Variants in TRAF3IP1 observed in about 807,000 individuals in gnomAD.
The protein encoded by TRAF3IP1 is intraflagellar transport 54.
A neutral mutation model predicts 89.9 loss-of-function variants in TRAF3IP1; 53 were observed. The observed-to-expected ratio is 0.59, with a 90% CI of 0.47 to 0.74. The LOEUF is 0.74. Ranked by LOEUF, TRAF3IP1 falls within the 30% of genes least tolerant of loss-of-function variation. The probability of loss-of-function intolerance (pLI) is 0.00; values close to 1 mark genes in which losing one functional copy is unlikely to be tolerated. For missense variants in TRAF3IP1, 806 were observed against 866.1 expected (o/e 0.93, Z 0.87); for synonymous variants, 311 against 322.1 (o/e 0.97, Z 0.37).
chr2:238,395,020 G>A (rs1019609386), intron 15 of TRAF3IP1, among the ~76,000 whole-genome samples: 3 of 152,166 alleles, frequency 2.0e-5, no homozygotes, highest in African/African-American at 7.2e-5. Context: ...GGCAAGGAAG[G>A]GCCCCTTACC....
At chr2:238,378,454 T>C (rs1010376382) in intron 15 of TRAF3IP1, among the ~76,000 whole-genome samples, 3 of 152,254 alleles carry the variant, frequency 2.0e-5, no homozygotes, top group Non-Finnish European at 1.5e-5. Flanking sequence ...GATGTTCCTA[T>C]ATTAATAGAC....
intron 15 of TRAF3IP1, among the ~76,000 whole-genome samples, chr2:238,382,551 G>A (rs1700590451): frequency 1.3e-5 from 2 of 151,770 alleles, no homozygotes; most frequent in South Asian, 2.1e-4. Flanking sequence ...AGATCAGCAG[G>A]TCGGGGAGGA....
intron 15 of TRAF3IP1, among the ~76,000 whole-genome samples, chr2:238,388,243 T>G (rs1327737327): frequency 6.6e-6 from 1 of 151,612 alleles, no homozygotes; most frequent in Non-Finnish European, 1.5e-5. Flanking sequence ...GGCGTGATGA[T>G]GCGTGCCTAT....
Position 238,358,130 on chromosome 2 carries a change from A to G in TRAF3IP1, c.1689+2050A>G, listed in dbSNP as rs1272090322. Among the ~76,000 whole-genome samples the G allele has an allele frequency of 2.1e-5, 3 of 141,178 alleles. No individual in the cohort carries two copies. The South Asian group carries it at 6.7e-4, about 32-fold the overall frequency. The allele number at this position is 141,178 out of a possible 152,430, so 92.6% of individuals were successfully genotyped here. A position where few individuals can be genotyped will look rare whatever the true frequency, so the allele number is the denominator to read the frequency against. ...TTTGTTACATTTTTTTTTTTTTTTG[A>G]GTCAGAATCTCGCTCTGTTGCCCAG... On this transcript the variant is annotated intron_variant, in intron 15 of 16. Coordinates refer to ENST00000373327, the MANE Select transcript of TRAF3IP1 (RefSeq NM_015650.4).
At chr2:238,330,252 A>G (rs976305279) in intron 5 of TRAF3IP1, among the ~76,000 whole-genome samples, 1 of 152,364 alleles carries the variant, frequency 6.6e-6, no homozygotes, top group Admixed American at 6.5e-5. Flanking sequence ...GATAAGTACA[A>G]TAAGACCTGA....
At chr2:238,349,230 A>G (rs1574923543) in intron 11 of TRAF3IP1, 95 bp from the exon 12 acceptor site, 7 of 1,158,676 alleles carry the variant, frequency 6.0e-6, no homozygotes, top group South Asian at 1.4e-5. Context: ...TATGGCTTGG[A>G]GATGAGAGTT....
Position 238,338,385 on chromosome 2 carries a change from G to A in TRAF3IP1, c.1087G>A (p.Ala363Thr). The A allele has an allele frequency of 6.3e-7, 1 of 1,589,682 alleles. No individual in the cohort carries two copies. The highest frequency in any genetic ancestry group is 8.6e-7 in the Non-Finnish European group (1 of 1,167,748). The change falls in exon 8 of 17, where the codon GCT (alanine) becomes ACT (threonine). Residue 363 changes from alanine (A) to threonine (T), a missense_variant. Physicochemically the swap from Ala to Thr is moderately conservative, Grantham distance 58. Transcript: ENST00000373327. ...VEGRKEDNIS[A>T]KSLDSIVSGI... ...AGGAAGGAAGGAGGATAATATTTCA[G>A]CTAAAAGTTTAGACTCCATAGTGTC... is the stretch of plus-strand genomic sequence containing the variant.
intron 15 of TRAF3IP1, among the ~76,000 whole-genome samples, chr2:238,391,496 T>G (rs1344199020): frequency 6.6e-6 from 1 of 152,224 alleles, no homozygotes; most frequent in Non-Finnish European, 1.5e-5. Flanking sequence ...CTGTGTTAAA[T>G]GAAAGCTTGA....
At chr2:238,354,806 A>G (rs944703147) in intron 14 of TRAF3IP1, among the ~76,000 whole-genome samples, 2 of 151,822 alleles carry the variant, frequency 1.3e-5, no homozygotes, top group African/African-American at 4.8e-5. Context: ...GCCCACCACC[A>G]CACCCAGTTA....
chr2:238,379,159 C>T lies in TRAF3IP1; in HGVS notation c.1690-18300C>T, dbSNP rs1013374282. 3.9e-5 allele frequency among the ~76,000 whole-genome samples: 6 copies of T among 152,178 alleles called. No individual in the cohort carries two copies. The highest frequency in any genetic ancestry group is 8.8e-5 in the Non-Finnish European group (6 of 68,032). On this transcript the variant is annotated intron_variant, in intron 15 of 16. Transcript: ENST00000373327. The surrounding 1 kb of genome is among the most constrained non-coding windows in gnomAD (Gnocchi z 4.0). ...ACTGGGGGCCTGTTTTCTTGCAGTC[C>T]AAGGTTACCTGGAGGCTGCTGGTCT...
At chr2:238,363,760 G>A (rs1328942309) in intron 15 of TRAF3IP1, among the ~76,000 whole-genome samples, 2 of 152,162 alleles carry the variant, frequency 1.3e-5, no homozygotes, top group African/African-American at 2.4e-5. Context: ...AGGAGTTCAA[G>A]ACTAGCCTGG....
Position 238,328,686 on chromosome 2 carries a change from C to T in TRAF3IP1, c.355C>T (p.Leu119Phe). 1 of 1,612,572 alleles carries T rather than the reference C, an allele frequency of 6.2e-7. No homozygotes were observed. The highest frequency in any genetic ancestry group is 8.5e-7 in the Non-Finnish European group (1 of 1,179,390). Residue 119 changes from leucine to phenylalanine, a missense_variant and splice_region_variant, in exon 4 of 17, where the codon CTC (leucine) becomes TTC (phenylalanine). Leu to Phe is a conservative substitution (Grantham distance 22). This residue lies in a region of TRAF3IP1 where 732 missense variants were observed against 780.5 expected (regional missense o/e 0.94). Transcript: ENST00000373327. ...CATTTCCTTCCATTTGGACGACAAGCTCTCTAGTGACGATGCGGTGCGGAG... is the reference window on the plus strand; with the variant it reads ...CATTTCCTTCCATTTGGACGACAAGTTCTCTAGTGACGATGCGGTGCGGAG... The part of the protein sequence containing the change: ...QIIGKCCLNK[L>F]SSDDAVRRVL...
Position 238,347,159 on chromosome 2 carries a change from T to A in TRAF3IP1, c.1262-296T>A, listed in dbSNP as rs1698932375. 7 of 351,872 alleles carry A rather than the reference T, an allele frequency of 2.0e-5. No homozygotes were observed. In the South Asian group the frequency reaches 2.5e-4, roughly 12 times the overall value. The allele number at this position is 351,872 out of a possible 1,614,324, so 21.8% of individuals were successfully genotyped here. ...GTGGCTCTGGCTTTGTCGATTCTTG[T>A]CTCATGAACTTGTTAACTTCCTCTC... On this transcript the variant is annotated intron_variant, in intron 9 of 16. Coordinates refer to ENST00000373327, the MANE Select transcript of TRAF3IP1 (RefSeq NM_015650.4).
chr2:238,345,970 C>G lies in TRAF3IP1; in HGVS notation c.1261+1372C>G, dbSNP rs947308579. The stretch of plus-strand genomic sequence containing the variant: ...AAAGGTAGAGAGTTCACTGTGCTGA[C>G]TTTCCTTCTGGGTATCGGCCTTGTG... On this transcript the variant is annotated intron_variant, in intron 9 of 16. Transcript: ENST00000373327. The surrounding 1 kb of genome is among the most constrained non-coding windows in gnomAD (Gnocchi z 4.7). Among the ~76,000 whole-genome samples the G allele has an allele frequency of 6.6e-6, 1 of 152,144 alleles. No homozygotes were observed. The highest frequency in any genetic ancestry group is 2.4e-5 in the African/African-American group (1 of 41,418).
intron 15 of TRAF3IP1, among the ~76,000 whole-genome samples, chr2:238,388,374 C>A (rs1291662829): frequency 0.017 from 1,675 of 100,994 alleles, no homozygotes; most frequent in Middle Eastern, 0.032. Context: ...GACCCTGTCT[C>A]AAAAAAAAAA....
intron 15 of TRAF3IP1, among the ~76,000 whole-genome samples, chr2:238,395,825 T>C (rs9751985): frequency 0.73 from 109,950 of 151,464 alleles, 40,106 homozygotes; most frequent in Middle Eastern, 0.78. Context: ...AAAACCACAA[T>C]GAGATACCAT....
At chr2:238,347,268 T>C in intron 9 of TRAF3IP1, 187 bp from the exon 10 acceptor site, 1 of 608,474 alleles carries the variant, frequency 1.6e-6, no homozygotes, top group East Asian at 2.8e-5. Flanking sequence ...TTTGTTTTTC[T>C]ATCTTTGAAA....
At position 238,400,477 on chromosome 2, in the gene TRAF3IP1, G is replaced by A. The variant is rs867183908; in HGVS notation, c.*1558G>A. On this transcript the variant is annotated 3_prime_UTR_variant, in exon 17 of 17. Coordinates refer to ENST00000373327, the MANE Select transcript of TRAF3IP1 (RefSeq NM_015650.4). ...TTTCCAAAATAAATTCTGTACTCAG[G>A]TTGTTATATGATTTTCTGAGCTGAA... The A allele has an allele frequency of 1.3e-5, 2 of 152,170 alleles. No homozygotes were observed. The highest frequency in any genetic ancestry group is 4.8e-5 in the African/African-American group (2 of 41,438). The allele number at this position is 152,170 out of a possible 1,614,324, so 9.4% of individuals were successfully genotyped here.
At chr2:238,348,104 C>A (rs1698980287) in intron 10 of TRAF3IP1, among the ~76,000 whole-genome samples, 1 of 151,404 alleles carries the variant, frequency 6.6e-6, no homozygotes, top group Non-Finnish European at 1.5e-5. Context: ...ATAGTTTAGG[C>A]CTTGTTATTT....
Sources: gnomAD v4.1 joint callset for allele counts (sites outside exome capture counted in the v4.1 genomes callset) on GRCh38, gnomAD v4.1.1 for gene constraint, gnomAD v4.1.1 regional missense constraint, Gnocchi (gnomAD v3.1) non-coding constraint, MANE v1.5 for transcripts, NCBI Gene and HGNC (gene_info 2026-07-23, HGNC 2026-07-21) for gene names.